Variants in CAST observed in about 807,000 individuals in gnomAD.
The protein encoded by CAST is MIR583 host.
CAST carries 76 observed loss-of-function variants against 119.6 expected under a neutral mutation model. The ratio of observed to expected loss-of-function variants is 0.64; its 90% CI spans 0.53 to 0.77. CAST has a LOEUF of 0.77. CAST is among the 30% of genes least tolerant of loss of function. The pLI, the probability that CAST is intolerant of heterozygous loss-of-function variation, is 0.00. For synonymous variants in CAST, 319 were observed against 331.6 expected (o/e 0.96, Z 0.41); for missense variants, 953 against 946.5 (o/e 1.01, Z -0.09).
At chr5:96,017,472 AC>A in the CAST span, among the ~76,000 whole-genome samples, 1 of 152,190 alleles carries the variant, frequency 6.6e-6, no homozygotes, top group East Asian at 1.9e-4. Flanking sequence ...TTTTCCTCAG[AC>A]CTTCTTATAA....
At chr5:96,368,550 ATG>A in the CAST span, among the ~76,000 whole-genome samples, 1 of 151,588 alleles carries the variant, frequency 6.6e-6, no homozygotes, top group African/African-American at 2.4e-5. Flanking sequence ...CAAACTCCAC[ATG>A]TGTAAATCTC....
chr5:96,599,519 T>C (rs1288808766), intron 1 of CAST, among the ~76,000 whole-genome samples: 1 of 152,208 alleles, frequency 6.6e-6, no homozygotes, highest in Non-Finnish European at 1.5e-5. Context: ...GTCTTAATTG[T>C]GCTTAGAAAA....
the CAST span, among the ~76,000 whole-genome samples, chr5:96,212,056 A>C: frequency 2.0e-5 from 3 of 151,954 alleles, no homozygotes; most frequent in Non-Finnish European, 4.4e-5. Flanking sequence ...TTGTCAATGT[A>C]ATTGATCTTC....
At chr5:96,666,257 A>AACACACACAAAC (rs1554074456) in intron 1 of CAST, among the ~76,000 whole-genome samples, 1 of 150,044 alleles carries the variant, frequency 6.7e-6, no homozygotes, top group African/African-American at 2.5e-5. Flanking sequence ...GGTTGTAGTA[A>AACACACACAAAC]ACACACACAC....
the CAST span, among the ~76,000 whole-genome samples, chr5:96,226,212 G>C: frequency 1.3e-5 from 2 of 152,288 alleles, no homozygotes; most frequent in Admixed American, 1.3e-4. Context: ...GCCCCATATA[G>C]ACTGGGTGTC....
the CAST span, among the ~76,000 whole-genome samples, chr5:96,461,347 C>A: frequency 6.6e-6 from 1 of 152,026 alleles, no homozygotes; most frequent in Non-Finnish European, 1.5e-5. Context: ...TTTATCTGGA[C>A]TTCTTTTTGG....
At chr5:96,589,499 C>T (rs1256946135) in intron 1 of CAST, among the ~76,000 whole-genome samples, 2 of 152,132 alleles carry the variant, frequency 1.3e-5, no homozygotes, top group Non-Finnish European at 2.9e-5. Flanking sequence ...TATAATAACA[C>T]TTTTCACTTA....
At chr5:96,398,931 T>A in the CAST span, 8 of 1,613,470 alleles carry the variant, frequency 5.0e-6, no homozygotes, top group African/African-American at 9.3e-5. Context: ...AATATTCAAT[T>A]GTTGCTTCAA....
At chr5:96,022,752 A>G in the CAST span, among the ~76,000 whole-genome samples, 13 of 152,308 alleles carry the variant, frequency 8.5e-5, no homozygotes, top group South Asian at 2.5e-3. Flanking sequence ...GGGGCTGATA[A>G]GTCCAGAATT....
the CAST span, among the ~76,000 whole-genome samples, chr5:96,410,498 G>A: frequency 6.6e-6 from 1 of 151,960 alleles, no homozygotes; most frequent in Non-Finnish European, 1.5e-5. Flanking sequence ...AAAGACATTT[G>A]GAGTCTCCGC....
the CAST span, among the ~76,000 whole-genome samples, chr5:96,026,646 A>G: frequency 6.6e-6 from 1 of 152,228 alleles, no homozygotes; most frequent in African/African-American, 2.4e-5. Context: ...TTCAGGGTCC[A>G]GGGAGGATTT....
the CAST span, among the ~76,000 whole-genome samples, chr5:96,470,211 G>GCACA: frequency 1.3e-5 from 2 of 150,076 alleles, no homozygotes; most frequent in East Asian, 3.9e-4. Context: ...ACACACACAC[G>GCACA]CACAGAAAAC....
intron 2 of CAST, among the ~76,000 whole-genome samples, chr5:96,688,591 A>C (rs975912904): frequency 2.6e-5 from 4 of 152,228 alleles, no homozygotes; most frequent in East Asian, 1.9e-4. Context: ...TGCTTATATT[A>C]GGTAAAAATC....
the CAST span, chr5:96,416,196 G>A: frequency 1.0e-6 from 1 of 978,750 alleles, no homozygotes; most frequent in African/African-American, 1.8e-5. Flanking sequence ...TGAATTAATG[G>A]GGCATAGGTA....
At chr5:96,077,638 G>A in the CAST span, among the ~76,000 whole-genome samples, 1 of 152,056 alleles carries the variant, frequency 6.6e-6, no homozygotes, top group South Asian at 2.1e-4. Context: ...ATTAGTTCCT[G>A]AAATAACTGG....
chr5:96,696,723 A>G (rs34703), intron 3 of CAST, among the ~76,000 whole-genome samples: 143,158 of 148,448 alleles, frequency 0.96, 69,068 homozygotes, highest in East Asian at 1. Flanking sequence ...AGGCTTGGTG[A>G]TGCGTGCCTA....
chr5:96,664,885 T>G (rs1249275272), intron 1 of CAST, among the ~76,000 whole-genome samples: 3 of 152,204 alleles, frequency 2.0e-5, no homozygotes, highest in Admixed American at 6.5e-5. Flanking sequence ...TGGCCTAAGG[T>G]TCTTATCAAA....
the CAST span, among the ~76,000 whole-genome samples, chr5:96,043,751 G>A: frequency 2.0e-5 from 3 of 152,166 alleles, no homozygotes; most frequent in South Asian, 6.2e-4. Flanking sequence ...TCACTGGCCA[G>A]AACAGGGTCA....
chr5:96,237,286 A>C, the CAST span, among the ~76,000 whole-genome samples: 10 of 152,022 alleles, frequency 6.6e-5, no homozygotes, highest in African/African-American at 2.2e-4. Context: ...CTACCCTAGA[A>C]CCTTTGTATT....
Sources: gnomAD v4.1 joint callset for allele counts (sites outside exome capture counted in the v4.1 genomes callset) on GRCh38, gnomAD v4.1.1 for gene constraint, MANE v1.5 for transcripts, NCBI Gene and HGNC (gene_info 2026-07-23, HGNC 2026-07-21) for gene names.